HNF4G: variants seen among roughly 807,000 people sequenced by gnomAD.
HNF4G encodes hepatocyte nuclear factor 4 gamma.
Under a neutral mutation model 50.9 loss-of-function variants are expected in HNF4G, and 21 were observed. That is an observed-to-expected ratio of 0.41 (90% CI 0.29 to 0.59). The LOEUF (loss-of-function observed/expected upper bound fraction) is 0.59. HNF4G is among the 20% of genes least tolerant of loss of function. The probability of loss-of-function intolerance (pLI) is 0.26; values close to 1 mark genes in which losing one functional copy is unlikely to be tolerated. For synonymous variants in HNF4G, 198 were observed against 185.6 expected (o/e 1.07, Z -0.54); for missense variants, 527 against 559.4 (o/e 0.94, Z 0.58).
intron 4 of HNF4G, 96 bp downstream of exon 4, chr8:75,551,590 C>T: frequency 2.9e-6 from 2 of 697,340 alleles, no homozygotes; most frequent in South Asian, 3.6e-5. Context: ...CAAAGGTGCT[C>T]ATTACTAAAA....
rs139021746 is a variant in HNF4G, at chr8:75,419,169, G to A, written c.-144+11007G>A. On this transcript the variant is annotated intron_variant, in intron 1 of 10. Transcript: ENST00000354370. Reference sequence around the variant, plus strand: ...GGAAGTTCTGTGGACATGCATGTTTGTGTCCCTGAGACTATCAGAAGTTAA... The same window carrying A: ...GGAAGTTCTGTGGACATGCATGTTTATGTCCCTGAGACTATCAGAAGTTAA... Among the ~76,000 whole-genome samples, 947 of 152,300 alleles carry A rather than the reference G, an allele frequency of 6.2e-3. 34 individuals carry two copies. The highest frequency in any genetic ancestry group is 0.045 in the Admixed American group (682 of 15,294).
rs564216111 is a variant in HNF4G, at chr8:75,547,572, A to G, written c.288-15A>G. 6.5e-7 allele frequency: 1 copy of G among 1,540,742 alleles called. No individual in the cohort carries two copies. The highest frequency in any genetic ancestry group is 1.7e-5 in the Admixed American group (1 of 59,174). On this transcript the variant is annotated splice_polypyrimidine_tract_variant and intron_variant, in intron 2 of 9. Coordinates refer to ENST00000396423, the MANE Select transcript of HNF4G (RefSeq NM_004133.5). Reference sequence around the variant, plus strand: ...ATTATAGTTTTCTGCAAACTGATATATCTTTATGTTATAGGTTCAGTCGGC... The same window carrying G: ...ATTATAGTTTTCTGCAAACTGATATGTCTTTATGTTATAGGTTCAGTCGGC...
chr8:75,449,121 G>A (rs1811511071), intron 1 of HNF4G, among the ~76,000 whole-genome samples: 1 of 152,156 alleles, frequency 6.6e-6, no homozygotes, highest in South Asian at 2.1e-4. Context: ...CAAAGTCCCT[G>A]GTCTAGGTTG....
chr8:75,510,334 A>G (rs1805717118), intron 2 of HNF4G, among the ~76,000 whole-genome samples: 2 of 152,222 alleles, frequency 1.3e-5, no homozygotes, highest in African/African-American at 4.8e-5. Context: ...TTAAAATGTT[A>G]TAGTAAGTTA....
At chr8:75,503,230 C>T (rs1198111855) in intron 2 of HNF4G, among the ~76,000 whole-genome samples, 1 of 152,182 alleles carries the variant, frequency 6.6e-6, no homozygotes, top group Non-Finnish European at 1.5e-5. Flanking sequence ...GGTTTTGCTG[C>T]TTACTAAGCC....
intron 1 of HNF4G, among the ~76,000 whole-genome samples, chr8:75,459,043 A>G (rs1325188723): frequency 6.6e-6 from 1 of 152,058 alleles, no homozygotes. Flanking sequence ...AATTTTTCCC[A>G]CTATTTTTTA....
chr8:75,548,242 C>T (rs1284267618), intron 3 of HNF4G, among the ~76,000 whole-genome samples: 1 of 152,128 alleles, frequency 6.6e-6, no homozygotes, highest in African/African-American at 2.4e-5. Flanking sequence ...CTCTCAGCCT[C>T]CCAAAGGGCT....
chr8:75,551,335 C>G, intron 3 of HNF4G, 53 bp from the exon 4 acceptor site: 1 of 1,005,354 alleles, frequency 9.9e-7, no homozygotes, highest in Non-Finnish European at 1.6e-6. Context: ...AATCTATATT[C>G]TAACATACAC....
chr8:75,559,277 GTTTT>G (rs112670281), intron 8 of HNF4G, among the ~76,000 whole-genome samples: 1 of 42,774 alleles, frequency 2.3e-5, no homozygotes, highest in Non-Finnish European at 4.2e-5. Flanking sequence ...TTTTTTGTTT[GTTTT>G]TTTTTTTTTT....
intron 6 of HNF4G, 22 bp downstream of exon 6, chr8:75,556,091 T>A: frequency 7.6e-7 from 1 of 1,312,494 alleles, no homozygotes; most frequent in Non-Finnish European, 1.1e-6. Flanking sequence ...TTTTTTAATT[T>A]AAGAAGAAAT....
intron 2 of HNF4G, among the ~76,000 whole-genome samples, chr8:75,527,462 A>G (rs1475351889): frequency 6.6e-6 from 1 of 152,214 alleles, no homozygotes; most frequent in East Asian, 1.9e-4. Context: ...CGCTAATTCA[A>G]TGTTCACAAT....
chr8:75,534,848 T>C (rs1357201495), intron 2 of HNF4G, among the ~76,000 whole-genome samples: 1 of 151,802 alleles, frequency 6.6e-6, no homozygotes, highest in East Asian at 1.9e-4. Context: ...TATATAAAAC[T>C]GTAAGCAAAG....
chr8:75,508,765 A>G (rs764583330), intron 2 of HNF4G, among the ~76,000 whole-genome samples: 1 of 152,172 alleles, frequency 6.6e-6, no homozygotes, highest in Non-Finnish European at 1.5e-5. Flanking sequence ...AAGTTCATTA[A>G]TATTGAAGGT....
upstream of HNF4G, among the ~76,000 whole-genome samples, chr8:75,537,506 A>G (rs1219143505): frequency 6.6e-6 from 1 of 152,136 alleles, no homozygotes; most frequent in East Asian, 1.9e-4. Context: ...TTGGCCTACC[A>G]AAGTGCTGGG....
intron 2 of HNF4G, among the ~76,000 whole-genome samples, chr8:75,518,640 G>T (rs984167243): frequency 1.3e-5 from 2 of 152,070 alleles, no homozygotes; most frequent in African/African-American, 4.8e-5. Flanking sequence ...TGAGTCAATG[G>T]CCTGAGCTCT....
chr8:75,415,415 TA>T, intron 1 of HNF4G, among the ~76,000 whole-genome samples: 1 of 151,908 alleles, frequency 6.6e-6, no homozygotes, highest in Non-Finnish European at 1.5e-5. Context: ...AAAAAAGAAA[TA>T]AAAAATTGGA....
intron 1 of HNF4G, among the ~76,000 whole-genome samples, chr8:75,423,759 A>G (rs1283563478): frequency 1.3e-5 from 2 of 150,740 alleles, no homozygotes; most frequent in Non-Finnish European, 3.0e-5. Flanking sequence ...TGAGAATTAA[A>G]TCACTATCCA....
chr8:75,412,131 GTCCAAGCCC>G (rs2130462161), intron 1 of HNF4G, among the ~76,000 whole-genome samples: 1 of 152,280 alleles, frequency 6.6e-6, no homozygotes, highest in South Asian at 2.1e-4. Context: ...CTGGAAACCT[GTCCAAGCCC>G]TCTAATAGGC....
At chr8:75,540,444 A>T (rs1213011440) in intron 1 of HNF4G, among the ~76,000 whole-genome samples, 1 of 152,202 alleles carries the variant, frequency 6.6e-6, no homozygotes, top group Non-Finnish European at 1.5e-5. Context: ...AGCAATATTT[A>T]AAATGACTTA....
Sources: gnomAD v4.1 joint callset for allele counts (sites outside exome capture counted in the v4.1 genomes callset) on GRCh38, gnomAD v4.1.1 for gene constraint, MANE v1.5 for transcripts, NCBI Gene and HGNC (gene_info 2026-07-23, HGNC 2026-07-21) for gene names.